The following ASAP1 variants were observed in gnomAD, a reference collection of about 807,000 sequenced individuals.
The protein encoded by ASAP1 is ArfGAP with SH3 domain, ankyrin repeat and PH domain 1.
ASAP1 carries 43 observed loss-of-function variants against 145.2 expected under a neutral mutation model. That is an observed-to-expected ratio of 0.30 (90% confidence interval 0.23 to 0.38). The LOEUF (loss-of-function observed/expected upper bound fraction) is 0.38, where lower values mean the gene tolerates loss of function less well. Among genes scored for constraint, ASAP1 ranks in the 10% least tolerant of loss-of-function variants. The pLI is 1.00. For synonymous variants in ASAP1, 546 were observed against 515.5 expected, an observed-to-expected ratio of 1.06 and a Z score of -0.80; for missense variants, 1,018 against 1,355.3, an observed-to-expected ratio of 0.75 and a Z score of 3.91.
In ASAP1 at chr8:130,283,260, G is replaced by GAAAC. The variant is rs570711863; in HGVS notation, c.187-46270_187-46267dup. 5.2e-3 allele frequency among the ~76,000 whole-genome samples: 783 copies of GAAAC among 151,442 alleles called. 3 individuals carry two copies. Among genetic ancestry groups the GAAAC allele is most frequent in the African/African-American group, 0.012 (488 of 41,288 alleles). ...GCCTTAAAAGAAGGCAGGATGCCAG[G>GAAAC]AAACAAACAAACAAACAAACAAACA... On this transcript the variant is annotated intron_variant, in intron 3 of 29. Coordinates refer to ENST00000518721, the MANE Select transcript of ASAP1 (RefSeq NM_018482.4).
Position 130,299,251 on chromosome 8 carries a change from C to T in ASAP1, c.186+58766G>A, listed in dbSNP as rs562412287. 7.5e-4 allele frequency among the ~76,000 whole-genome samples: 114 copies of T among 152,208 alleles called. 1 individual carries two copies. The South Asian group carries it at 0.017, about 22-fold the overall frequency. Reference sequence around the variant, plus strand: ...GTGCCCTGTGCTTTGTGCAGATGTGCCCACTCTACATTCTGTGGAGCCCAG... The same window carrying T: ...GTGCCCTGTGCTTTGTGCAGATGTGTCCACTCTACATTCTGTGGAGCCCAG... On this transcript the variant is annotated intron_variant, in intron 3 of 29. Coordinates refer to ENST00000518721, the MANE Select transcript of ASAP1 (RefSeq NM_018482.4).
intron 25 of ASAP1, 52 bp downstream of exon 25, chr8:130,091,921 C>A: frequency 6.8e-7 from 1 of 1,473,052 alleles, no homozygotes; most frequent in South Asian, 1.4e-5. Context: ...CAGTGGAGCC[C>A]CACACGCTGC....
chr8:130,437,325 C>G (rs571377429), intron 1 of ASAP1, among the ~76,000 whole-genome samples: 59 of 152,322 alleles, frequency 3.9e-4, no homozygotes, highest in Admixed American at 7.2e-4. Flanking sequence ...AGGTGAGGAA[C>G]TATATGAGCA....
intron 18 of ASAP1, among the ~76,000 whole-genome samples, chr8:130,120,398 T>A (rs2097563891): frequency 2.6e-5 from 4 of 152,230 alleles, no homozygotes. Flanking sequence ...TAAATCAAGT[T>A]CTCACTGAAT....
intron 29 of ASAP1, 83 bp from the exon 30 acceptor site, chr8:130,054,888 A>T: frequency 9.2e-7 from 1 of 1,090,128 alleles, no homozygotes; most frequent in Non-Finnish European, 1.4e-6. Flanking sequence ...AGCCCAGCCT[A>T]GTCTGCCCAC....
chr8:130,107,958 G>C (rs2097540430), intron 24 of ASAP1, among the ~76,000 whole-genome samples: 1 of 152,186 alleles, frequency 6.6e-6, no homozygotes, highest in African/African-American at 2.4e-5. Context: ...CCATGGTCTG[G>C]CTTGACACAG....
At chr8:130,144,423 G>A (rs144523376) in intron 13 of ASAP1, among the ~76,000 whole-genome samples, 1 of 152,220 alleles carries the variant, frequency 6.6e-6, no homozygotes, top group African/African-American at 2.4e-5. Flanking sequence ...CCAAGGATCA[G>A]GAAGGTGAAG....
chr8:130,266,697 A>G (rs1820266089), intron 3 of ASAP1, among the ~76,000 whole-genome samples: 1 of 152,158 alleles, frequency 6.6e-6, no homozygotes, highest in South Asian at 2.1e-4. Flanking sequence ...AATTTGATTT[A>G]ATACAGTTAC....
chr8:130,131,381 G>C (rs1441635352), intron 15 of ASAP1, among the ~76,000 whole-genome samples: 4 of 151,998 alleles, frequency 2.6e-5, no homozygotes, highest in Non-Finnish European at 5.9e-5. Flanking sequence ...AAGAACTAAG[G>C]CTTCCCTCTG....
At chr8:130,387,805 G>C (rs1828093727) in intron 2 of ASAP1, among the ~76,000 whole-genome samples, 1 of 152,150 alleles carries the variant, frequency 6.6e-6, no homozygotes. Context: ...AGCAGCCATT[G>C]ATTTTATTTC....
At chr8:130,438,144 A>G (rs1407273415) in intron 1 of ASAP1, among the ~76,000 whole-genome samples, 1 of 152,186 alleles carries the variant, frequency 6.6e-6, no homozygotes, top group Admixed American at 6.5e-5. Flanking sequence ...TTAAGGTCTC[A>G]AGAAACCGTC....
chr8:130,432,432 G>C (rs1830170398), intron 1 of ASAP1, among the ~76,000 whole-genome samples: 1 of 152,152 alleles, frequency 6.6e-6, no homozygotes, highest in African/African-American at 2.4e-5. Context: ...AAACAGGGTG[G>C]TTGGCTAAAG....
intron 3 of ASAP1, among the ~76,000 whole-genome samples, chr8:130,243,737 C>T (rs1461917038): frequency 6.6e-6 from 1 of 152,182 alleles, no homozygotes; most frequent in African/African-American, 2.4e-5. Flanking sequence ...TACCTTCTCT[C>T]TTTTTTTCTG....
Position 130,126,027 on chromosome 8 carries a change from T to C in ASAP1, c.1444A>G (p.Arg482Gly). The stretch of plus-strand genomic sequence containing the variant: ...CGAGAAATATGAACCCCCATTTCCC[T>C]ATGGATGCCAGAACATTCTATACAG... Reference protein sequence around the residue: ...LTCIECSGIHREMGVHISRIQ... With the variant: ...LTCIECSGIHGEMGVHISRIQ... Residue 482 changes from arginine (R) to glycine (G), a missense_variant, in exon 17 of 30, where the codon AGG becomes GGG. Coordinates refer to ENST00000518721, the MANE Select transcript of ASAP1 (RefSeq NM_018482.4). 6.2e-7 allele frequency: 1 copy of C among 1,614,052 alleles called. No individual in the cohort carries two copies. Among genetic ancestry groups the C allele is most frequent in the Non-Finnish European group, 8.5e-7 (1 of 1,179,956 alleles).
chr8:130,415,656 C>CA (rs1435460465), intron 1 of ASAP1, among the ~76,000 whole-genome samples: 1 of 151,998 alleles, frequency 6.6e-6, no homozygotes, highest in African/African-American at 2.4e-5. Context: ...GGCATGGTGG[C>CA]AGGTGCCTGT....
chr8:130,341,916 C>A (rs768569097), intron 3 of ASAP1, among the ~76,000 whole-genome samples: 1 of 152,066 alleles, frequency 6.6e-6, no homozygotes, highest in Admixed American at 6.5e-5. Flanking sequence ...TTCACTGGAC[C>A]GAGAGATGGG....
At chr8:130,111,937 G>C (rs576541293) in intron 24 of ASAP1, among the ~76,000 whole-genome samples, 157 bp downstream of exon 24, 1 of 152,290 alleles carries the variant, frequency 6.6e-6, no homozygotes, top group African/African-American at 2.4e-5. Flanking sequence ...CTGGCAAATG[G>C]CATGGTCCCT....
At chr8:130,091,302 A>G (rs2135416743) in intron 25 of ASAP1, among the ~76,000 whole-genome samples, 1 of 152,270 alleles carries the variant, frequency 6.6e-6, no homozygotes, top group East Asian at 1.9e-4. Context: ...ACAGGTAGGG[A>G]GGAAGCTGCG....
At chr8:130,431,898 AG>A (rs1830147483) in intron 1 of ASAP1, among the ~76,000 whole-genome samples, 1 of 115,950 alleles carries the variant, frequency 8.6e-6, no homozygotes, top group Non-Finnish European at 1.7e-5. Context: ...GAAGATAAGG[AG>A]GGGGAAATGG....
Sources: allele counts gnomAD v4.1 joint callset (sites outside exome capture counted in the v4.1 genomes callset), GRCh38; gene constraint gnomAD v4.1.1; transcripts MANE v1.5; gene names NCBI Gene and HGNC (gene_info 2026-07-23, HGNC 2026-07-21).